Variants in CUL2 observed in about 807,000 individuals in gnomAD.
CUL2 encodes the protein cullin 2.
CUL2 carries 22 observed loss-of-function variants against 110.2 expected under a neutral mutation model. The observed-to-expected ratio is 0.20, with a 90% CI of 0.14 to 0.28. The LOEUF (loss-of-function observed/expected upper bound fraction) is 0.28. Ranked by LOEUF, CUL2 falls within the 10% of genes least tolerant of loss-of-function variation. The pLI is 1.00. For synonymous variants in CUL2, 279 were observed against 293.2 expected, an observed-to-expected ratio of 0.95 and a Z score of 0.49; for missense variants, 631 against 905.5, an observed-to-expected ratio of 0.70 and a Z score of 3.89.
At chr10:35,033,789 T>C (rs1176275934) in intron 10 of CUL2, among the ~76,000 whole-genome samples, 1 of 111,966 alleles carries the variant, frequency 8.9e-6, no homozygotes, top group East Asian at 3.3e-4. Context: ...AGAAAATAGC[T>C]TGTCATTCAA....
chr10:35,072,815 A>C (rs561369636), intron 1 of CUL2, among the ~76,000 whole-genome samples: 1 of 152,328 alleles, frequency 6.6e-6, no homozygotes, highest in South Asian at 2.1e-4. Context: ...TTTTTCTGGC[A>C]AATGTTTTAA....
intron 2 of CUL2, chr10:35,098,122 G>C (rs955798213): frequency 2.0e-5 from 3 of 152,082 alleles, no homozygotes; most frequent in Admixed American, 6.6e-5. Context: ...CTGGTTGAAA[G>C]CTATTTTAAA....
At chr10:35,103,189 C>A (rs1438148320) in intron 1 of CUL2, among the ~76,000 whole-genome samples, 1 of 151,942 alleles carries the variant, frequency 6.6e-6, no homozygotes, top group Non-Finnish European at 1.5e-5. Context: ...GTTGCCCAGG[C>A]TGCACTGCAG....
At chr10:35,040,828 C>T (rs760517043) in intron 8 of CUL2, among the ~76,000 whole-genome samples, 1 of 152,312 alleles carries the variant, frequency 6.6e-6, no homozygotes, top group Admixed American at 6.5e-5. Flanking sequence ...ATCCTAGACC[C>T]CTTGCATGCA....
chr10:35,055,557 T>C (rs2086221326), intron 4 of CUL2, among the ~76,000 whole-genome samples: 1 of 152,158 alleles, frequency 6.6e-6, no homozygotes, highest in South Asian at 2.1e-4. Context: ...ACAGCGAGAC[T>C]GTCTCTTAAG....
At chr10:35,094,894 C>A (rs1589058618), upstream of CUL2, among the ~76,000 whole-genome samples, 1 of 152,214 alleles carries the variant, frequency 6.6e-6, no homozygotes, top group African/African-American at 2.4e-5. Context: ...ACTCCCCAAA[C>A]AAACCTCAAA....
At chr10:35,038,333 G>C (rs2085683213) in intron 9 of CUL2, among the ~76,000 whole-genome samples, 1 of 151,304 alleles carries the variant, frequency 6.6e-6, no homozygotes, top group Non-Finnish European at 1.5e-5. Flanking sequence ...AGACCAGCCT[G>C]ACCAACATGG....
intron 1 of CUL2, among the ~76,000 whole-genome samples, chr10:35,107,312 T>C (rs2087472434): frequency 6.6e-6 from 1 of 152,064 alleles, no homozygotes; most frequent in Non-Finnish European, 1.5e-5. Flanking sequence ...GATTATGATC[T>C]GAAAAAGAAT....
chr10:35,114,788 A>G (rs939477142), intron 1 of CUL2, among the ~76,000 whole-genome samples: 3 of 150,664 alleles, frequency 2.0e-5, no homozygotes, highest in Non-Finnish European at 4.4e-5. Flanking sequence ...TTAAAGTCCC[A>G]AATAGAACTT....
intron 17 of CUL2, among the ~76,000 whole-genome samples, chr10:35,021,425 A>G (rs1014015200): frequency 1.3e-5 from 2 of 151,422 alleles, no homozygotes; most frequent in Admixed American, 6.6e-5. Flanking sequence ...ATTTTTTTAT[A>G]TATGTATGTA....
intron 6 of CUL2, among the ~76,000 whole-genome samples, chr10:35,045,993 T>C (rs942516834): frequency 6.6e-6 from 1 of 152,228 alleles, no homozygotes; most frequent in African/African-American, 2.4e-5. Context: ...TTTTCTATCA[T>C]TGAAGAAAAG....
upstream of CUL2, among the ~76,000 whole-genome samples, chr10:35,095,119 C>T (rs367610615): frequency 1.2e-4 from 19 of 152,048 alleles, no homozygotes; most frequent in East Asian, 1.7e-3. Flanking sequence ...TGGATCACTT[C>T]GAGACCAGCC....
At position 35,118,301 on chromosome 10, in the gene CUL2, C is replaced by T. The variant is rs1416995046; in HGVS notation, c.-51+8304G>A. 3 of 152,128 alleles carry T rather than the reference C, an allele frequency of 2.0e-5. No homozygotes were observed. The East Asian group carries it at 5.8e-4, about 29-fold the overall frequency. 9.4% of individuals were successfully genotyped at this position (152,128 alleles called of 1,614,324 possible). On this transcript the variant is annotated intron_variant, in intron 1 of 5. Coordinates refer to the CUL2 transcript ENST00000685421. ...GGGAAATTCTCAGCAATAATTCTTT[C>T]ACATGTTCTTTTTTTCCCCTTCTGG... is the stretch of plus-strand genomic sequence containing the variant.
At chr10:35,083,530 T>C (rs1173507090) in intron 1 of CUL2, among the ~76,000 whole-genome samples, 1 of 152,176 alleles carries the variant, frequency 6.6e-6, no homozygotes, top group East Asian at 1.9e-4. Flanking sequence ...AAGTGATTGA[T>C]TCCAGGGCTG....
chr10:35,120,662 C>G (rs1383206730), intron 1 of CUL2, among the ~76,000 whole-genome samples: 1 of 151,710 alleles, frequency 6.6e-6, no homozygotes, highest in Non-Finnish European at 1.5e-5. Context: ...TTTGAGAGGC[C>G]AAGGCAGGCA....
At chr10:35,052,980 A>T (rs772384004) in intron 5 of CUL2, among the ~76,000 whole-genome samples, 19 of 152,206 alleles carry the variant, frequency 1.2e-4, no homozygotes, top group Non-Finnish European at 2.8e-4. Flanking sequence ...TTCACAAAAA[A>T]CAAACTTATG....
At chr10:35,036,283 T>C (rs1478433754) in intron 9 of CUL2, among the ~76,000 whole-genome samples, 3 of 152,260 alleles carry the variant, frequency 2.0e-5, no homozygotes, top group Non-Finnish European at 2.9e-5. Context: ...CTTTAATTTG[T>C]TCATTTCCAC....
chr10:35,044,455 A>C (rs1315427027), intron 8 of CUL2, 111 bp downstream of exon 8: 6 of 643,578 alleles, frequency 9.3e-6, no homozygotes, highest in African/African-American at 7.4e-5. Context: ...AGATTAAATA[A>C]ACAGAATATT....
At chr10:35,111,931 C>G (rs1936692628) in intron 1 of CUL2, among the ~76,000 whole-genome samples, 1 of 152,200 alleles carries the variant, frequency 6.6e-6, no homozygotes, top group African/African-American at 2.4e-5. Flanking sequence ...ACAGCACAAA[C>G]TCATAGCCTA....
Sources: allele counts gnomAD v4.1 joint callset (sites outside exome capture counted in the v4.1 genomes callset), GRCh38; gene constraint gnomAD v4.1.1; transcripts MANE v1.5; gene names NCBI Gene and HGNC (gene_info 2026-07-23, HGNC 2026-07-21).